The following MRE11 variants were observed in gnomAD, a reference collection of about 807,000 sequenced individuals.
MRE11 encodes the protein MRE11 double strand break repair nuclease, also known as double-strand break repair protein MRE11.
A neutral mutation model predicts 91.7 loss-of-function variants in MRE11; 62 were observed. That is an observed-to-expected ratio of 0.68 (90% CI 0.55 to 0.84). The LOEUF (loss-of-function observed/expected upper bound fraction) is 0.84, where lower values mean the gene tolerates loss of function less well. Among genes scored for constraint, MRE11 ranks in the 40% least tolerant of loss-of-function variants. The pLI, the probability that MRE11 is intolerant of heterozygous loss-of-function variation, is 0.00. For synonymous variants in MRE11, 273 were observed against 271.4 expected, an observed-to-expected ratio of 1.01 and a Z score of -0.06; for missense variants, 796 against 852.9, an observed-to-expected ratio of 0.93 and a Z score of 0.83.
chr11:94,452,908 T>C (rs1946149128), intron 14 of MRE11, among the ~76,000 whole-genome samples: 1 of 152,178 alleles, frequency 6.6e-6, no homozygotes, highest in African/African-American at 2.4e-5. Flanking sequence ...CACATGGTTA[T>C]GCAATCATCC....
rs374353761 is a variant in MRE11 at position 94,416,736 on chromosome 11, T to G, written c.*3389A>C. ...AGCCAGGCGTGGTGGTGGGCGCCTGTAGTCCCAGCTACTTGGGAGGCTGAG... is the reference window on the plus strand; with the variant it reads ...AGCCAGGCGTGGTGGTGGGCGCCTGGAGTCCCAGCTACTTGGGAGGCTGAG... On this transcript the variant is annotated 3_prime_UTR_variant, in exon 20 of 20. Transcript: ENST00000323929. The G allele has an allele frequency of 6.7e-6, 1 of 149,118 alleles. No individual in the cohort carries two copies. Among genetic ancestry groups the G allele is most frequent in the Non-Finnish European group, 1.5e-5 (1 of 67,522 alleles). 9.2% of individuals were successfully genotyped at this position (149,118 alleles called of 1,614,324 possible). A position where few individuals can be genotyped will look rare whatever the true frequency, so the allele number is the denominator to read the frequency against.
At chr11:94,479,522 G>A in intron 5 of MRE11, 152 bp downstream of exon 5, 1 of 657,986 alleles carries the variant, frequency 1.5e-6, no homozygotes, top group Admixed American at 2.7e-5. Context: ...AATCTAAAAA[G>A]CAGTATAAAA....
intron 3 of MRE11, among the ~76,000 whole-genome samples, chr11:94,489,120 A>G (rs1010044447): frequency 6.6e-6 from 1 of 152,296 alleles, no homozygotes; most frequent in East Asian, 1.9e-4. Flanking sequence ...ATAATTCAAT[A>G]AATTATTTCA....
rs1320120737 is a variant in MRE11 at position 94,473,268 on chromosome 11, C to T, written c.660-1509G>A. 2.0e-5 allele frequency: 3 copies of T among 152,050 alleles called. No individual in the cohort carries two copies. In the East Asian group the frequency reaches 5.8e-4, roughly 29 times the overall value. 9.4% of individuals were successfully genotyped at this position (152,050 alleles called of 1,614,324 possible). ...CTAAGGTATGAGATTATCACAACTA[C>T]TAAAGAAAAGCAGAATAATTCCCAA... On this transcript the variant is annotated intron_variant, in intron 7 of 19. Transcript: ENST00000323929.
chr11:94,462,759 C>T (rs538667267), intron 11 of MRE11, among the ~76,000 whole-genome samples: 2 of 152,300 alleles, frequency 1.3e-5, no homozygotes, highest in South Asian at 4.1e-4. Context: ...CCCTTCCTTA[C>T]ACCTCACACA....
At chr11:94,495,314 G>A (rs1379340479), upstream of MRE11, among the ~76,000 whole-genome samples, 2 of 152,178 alleles carry the variant, frequency 1.3e-5, no homozygotes, top group African/African-American at 4.8e-5. Context: ...TTAATTAAAT[G>A]TAATGCTACA....
At chr11:94,488,989 A>G (rs1947215817) in intron 3 of MRE11, among the ~76,000 whole-genome samples, 1 of 152,158 alleles carries the variant, frequency 6.6e-6, no homozygotes, top group East Asian at 1.9e-4. Context: ...GAAATTTAAA[A>G]TATGTATACC....
At chr11:94,453,960 TG>T (rs1214821723) in intron 14 of MRE11, among the ~76,000 whole-genome samples, 10 of 152,230 alleles carry the variant, frequency 6.6e-5, no homozygotes, top group Non-Finnish European at 1.5e-4. Flanking sequence ...CAAGAATATG[TG>T]ATAGAGACCA....
At position 94,439,810 on chromosome 11, in the gene MRE11, G is replaced by C. The variant is rs535786282; in HGVS notation, c.1868-2575C>G. Among the ~76,000 whole-genome samples, 4 of 152,242 alleles carry C rather than the reference G, an allele frequency of 2.6e-5. No individual in the cohort carries two copies. The East Asian group carries it at 7.7e-4, about 29-fold the overall frequency. On this transcript the variant is annotated intron_variant, in intron 16 of 19. Coordinates refer to ENST00000323929, the MANE Select transcript of MRE11 (RefSeq NM_005591.4). ...GATGAAAAACTTAACATATTTGCTG[G>C]AGGACACACAACTAGTAAAATTGAG...
intron 13 of MRE11, 119 bp downstream of exon 13, chr11:94,459,289 G>C (rs889500557): frequency 1.5e-5 from 16 of 1,035,310 alleles, no homozygotes; most frequent in African/African-American, 4.8e-5. Context: ...CAATTTTATA[G>C]ATGAGAAAAA....
At chr11:94,442,953 C>CA (rs1178820808) in intron 16 of MRE11, among the ~76,000 whole-genome samples, 3 of 152,258 alleles carry the variant, frequency 2.0e-5, no homozygotes, top group African/African-American at 7.2e-5. Flanking sequence ...GCAATAAAGA[C>CA]AACATGTTTG....
chr11:94,472,613 T>G (rs1946746440), intron 7 of MRE11, among the ~76,000 whole-genome samples: 1 of 152,104 alleles, frequency 6.6e-6, no homozygotes, highest in Non-Finnish European at 1.5e-5. Flanking sequence ...CCAAAATATT[T>G]TAAGTGCCAA....
intron 15 of MRE11, 109 bp downstream of exon 15, chr11:94,447,110 A>G: frequency 8.7e-7 from 1 of 1,143,154 alleles, no homozygotes; most frequent in Non-Finnish European, 1.3e-6. Flanking sequence ...TTTTTAAAGA[A>G]CCGTGTTTTA....
chr11:94,438,368 T>G (rs1344795956), intron 16 of MRE11, among the ~76,000 whole-genome samples: 1 of 152,218 alleles, frequency 6.6e-6, no homozygotes, highest in African/African-American at 2.4e-5. Context: ...TTATTGTGTT[T>G]GCACATGTTT....
At chr11:94,448,310 C>A (rs1355628221) in intron 14 of MRE11, among the ~76,000 whole-genome samples, 2 of 152,046 alleles carry the variant, frequency 1.3e-5, no homozygotes, top group Non-Finnish European at 2.9e-5. Flanking sequence ...GGCGCAGTGG[C>A]TCACACCTGT....
chr11:94,446,015 C>T, intron 15 of MRE11, 122 bp from the exon 16 acceptor site: 1 of 748,382 alleles, frequency 1.3e-6, no homozygotes, highest in Non-Finnish European at 2.4e-6. Context: ...AAAAGCCAGA[C>T]ATATATATAA....
In MRE11 at chr11:94,476,347, A is replaced by G; in HGVS notation, c.601T>C (p.Leu201=). 6.2e-7 allele frequency: 1 copy of G among 1,613,532 alleles called. No homozygotes were observed. Among genetic ancestry groups the G allele is most frequent in the East Asian group, 2.2e-5 (1 of 44,816 alleles). Residue 201 remains leucine, a synonymous_variant, in exon 7 of 20, where the codon TTG becomes CTG. Transcript: ENST00000323929. ...GAGTTCTCATCTTCCTTTGGTCTCA[A>G]CATTGTTACTTTTTTATTGACAAAC... ...RMFVNKKVTM[L]RPKEDENSWF... is the part of the protein sequence containing the mutation.
At chr11:94,487,993 A>G (rs925744069) in intron 3 of MRE11, among the ~76,000 whole-genome samples, 7 of 152,244 alleles carry the variant, frequency 4.6e-5, no homozygotes, top group African/African-American at 1.7e-4. Context: ...AATACTAAAT[A>G]CAAATCAAGA....
chr11:94,481,416 G>A (rs1226302185), intron 4 of MRE11, among the ~76,000 whole-genome samples: 1 of 152,126 alleles, frequency 6.6e-6, no homozygotes, highest in East Asian at 1.9e-4. Flanking sequence ...TGAAAGAACT[G>A]CTTATTGGGG....
Sources: allele counts gnomAD v4.1 joint callset (sites outside exome capture counted in the v4.1 genomes callset), GRCh38; gene constraint gnomAD v4.1.1; transcripts MANE v1.5; gene names NCBI Gene and HGNC (gene_info 2026-07-23, HGNC 2026-07-21).